Variants in KANSL1 observed in about 807,000 individuals in gnomAD.
KANSL1 encodes MLL1/MLL complex subunit KANSL1.
A neutral mutation model predicts 103.6 loss-of-function variants in KANSL1; 22 were observed. That is an observed-to-expected ratio of 0.21 (90% CI 0.15 to 0.30). The LOEUF (loss-of-function observed/expected upper bound fraction) is 0.30. KANSL1 is among the 10% of genes least tolerant of loss of function. The pLI, the probability that KANSL1 is intolerant of heterozygous loss-of-function variation, is 1.00. For missense variants in KANSL1, 1,337 were observed against 1,399.8 expected, an observed-to-expected ratio of 0.96 and a Z score of 0.72; for synonymous variants, 600 against 527.6, an observed-to-expected ratio of 1.14 and a Z score of -1.88.
chr17:46,219,604 C>T (rs1216700132), intron 1 of KANSL1, among the ~76,000 whole-genome samples: 7 of 152,228 alleles, frequency 4.6e-5, no homozygotes, highest in Non-Finnish European at 4.4e-5. Context: ...TGTGCTCCAG[C>T]GATCTGCCTG....
intron 2 of KANSL1, among the ~76,000 whole-genome samples, chr17:46,168,666 A>G (rs2046130366): frequency 6.6e-6 from 1 of 152,242 alleles, no homozygotes. Flanking sequence ...TACAATTACA[A>G]TGTGCAAAAA....
chr17:46,048,555 G>A (rs1013538378), intron 7 of KANSL1, among the ~76,000 whole-genome samples: 1 of 152,076 alleles, frequency 6.6e-6, no homozygotes, highest in African/African-American at 2.4e-5. Context: ...CAACAAAAGC[G>A]AGACTCTGTC....
At chr17:46,224,704 G>A (rs2048630853), upstream of KANSL1, 1 of 146,790 alleles carries the variant, frequency 6.8e-6, no homozygotes, top group Admixed American at 7.0e-5. Flanking sequence ...GCGGACTTCA[G>A]AGCCCCACAG....
chr17:46,081,480 T>C (rs745979501), intron 4 of KANSL1, among the ~76,000 whole-genome samples: 19 of 152,216 alleles, frequency 1.2e-4, no homozygotes, highest in Non-Finnish European at 2.4e-4. Flanking sequence ...TCAAAACTAC[T>C]TTCCAGTTAA....
chr17:46,220,996 CTT>C (rs56342423), intron 1 of KANSL1, among the ~76,000 whole-genome samples: 139 of 138,802 alleles, frequency 1.0e-3, no homozygotes, highest in East Asian at 1.3e-3. Context: ...CCCTAAAGAT[CTT>C]TTTTTTTTTT....
At chr17:46,213,272 A>G (rs2048219933) in intron 1 of KANSL1, among the ~76,000 whole-genome samples, 2 of 152,228 alleles carry the variant, frequency 1.3e-5, no homozygotes, top group African/African-American at 4.8e-5. Flanking sequence ...AAGGGGGACA[A>G]GCGTTTTATT....
chr17:46,190,016 C>T (rs543308416), intron 1 of KANSL1, among the ~76,000 whole-genome samples: 48 of 152,070 alleles, frequency 3.2e-4, no homozygotes, highest in African/African-American at 1.1e-3. Context: ...TCTCAAACAA[C>T]CACAACACCC....
chr17:46,073,353 A>C (rs1199072116), intron 4 of KANSL1, among the ~76,000 whole-genome samples: 1 of 152,194 alleles, frequency 6.6e-6, no homozygotes, highest in African/African-American at 2.4e-5. Flanking sequence ...ACTAACACAC[A>C]AATAATGTGT....
chr17:46,118,210 T>G (rs1444800729), intron 2 of KANSL1, among the ~76,000 whole-genome samples: 7 of 152,164 alleles, frequency 4.6e-5, no homozygotes, highest in Non-Finnish European at 1.0e-4. Context: ...TTTATTTGCT[T>G]GTAGTTGGGT....
At chr17:46,052,963 CCAAAAAAAAAAAAAAAAAAAAAAAAAA>C (rs1209611175) in intron 6 of KANSL1, among the ~76,000 whole-genome samples, 5 of 43,140 alleles carry the variant, frequency 1.2e-4, no homozygotes, top group African/African-American at 5.1e-4. Context: ...GATCCTGTCT[CCAAAAAAAAAAAAAAAAAAAAAAAAAA>C]AAAAAAAAAA....
intron 2 of KANSL1, among the ~76,000 whole-genome samples, chr17:46,101,929 A>G (rs1475537450): frequency 3.9e-5 from 6 of 152,194 alleles, no homozygotes; most frequent in Admixed American, 6.5e-5. Context: ...CCATATTCTG[A>G]GAGTTTCTTG....
chr17:46,144,993 T>C (rs947179741), intron 2 of KANSL1, among the ~76,000 whole-genome samples: 1 of 152,262 alleles, frequency 6.6e-6, no homozygotes, highest in Admixed American at 6.5e-5. Context: ...ACTGGGTTTC[T>C]GATTCTTAAC....
At chr17:46,136,096 T>TG (rs1255100069) in intron 2 of KANSL1, among the ~76,000 whole-genome samples, 39 of 152,312 alleles carry the variant, frequency 2.6e-4, no homozygotes, top group African/African-American at 7.9e-4. Context: ...GCTGAACAGC[T>TG]GTTAACCACT....
intron 3 of KANSL1, among the ~76,000 whole-genome samples, chr17:46,085,980 T>A (rs1450797207): frequency 6.6e-6 from 1 of 152,198 alleles, no homozygotes; most frequent in Non-Finnish European, 1.5e-5. Context: ...AATACAAATA[T>A]ATTTAAATGA....
At position 46,039,761 on chromosome 17, in the gene KANSL1, A is replaced by G; in HGVS notation, c.2144T>C (p.Leu715Pro). The change falls in exon 8 of 15, where the codon CTG (leucine) becomes CCG (proline). Residue 715 changes from leucine to proline, a missense_variant. By Grantham distance (98) the Leu-to-Pro change is moderately conservative. Around this residue, in one of 2 missense-constraint regions of KANSL1, gnomAD observed 780 missense variants for 923.4 expected, o/e 0.84. Coordinates refer to ENST00000432791, the MANE Select transcript of KANSL1 (RefSeq NM_015443.4). ...LKHRAPMPGS[L>P]PDSARKDRHK... ...CCTGTCCTTACGAGCTGAATCTGGCAGACTGCCCGGCATGGGTGCTCTGTG... is the reference window on the plus strand; with the variant it reads ...CCTGTCCTTACGAGCTGAATCTGGCGGACTGCCCGGCATGGGTGCTCTGTG... 1 of 1,614,224 alleles carries G rather than the reference A, an allele frequency of 6.2e-7. No homozygotes were observed. Among genetic ancestry groups the G allele is most frequent in the Non-Finnish European group, 8.5e-7 (1 of 1,180,034 alleles).
intron 1 of KANSL1, among the ~76,000 whole-genome samples, chr17:46,187,302 C>G (rs2047079216): frequency 6.6e-6 from 1 of 152,210 alleles, no homozygotes. Flanking sequence ...ACCTTAAGCT[C>G]TCCCCTTTTT....
At chr17:46,040,087 C>G in intron 7 of KANSL1, 1 of 469,552 alleles carries the variant, frequency 2.1e-6, no homozygotes. Flanking sequence ...TTTTTACTTT[C>G]AAGTCCCAAA....
intron 2 of KANSL1, among the ~76,000 whole-genome samples, chr17:46,159,831 T>C (rs901267299): frequency 1.3e-5 from 2 of 152,252 alleles, no homozygotes; most frequent in African/African-American, 4.8e-5. Context: ...AAACCTTTAA[T>C]AGTTCACTTC....
At chr17:46,054,855 CT>C (rs34563738) in intron 6 of KANSL1, among the ~76,000 whole-genome samples, 290 of 142,782 alleles carry the variant, frequency 2.0e-3, no homozygotes, top group East Asian at 2.6e-3. Flanking sequence ...TTCAAAGTAA[CT>C]TTTTTTTTTT....
Sources: allele counts gnomAD v4.1 joint callset (sites outside exome capture counted in the v4.1 genomes callset), GRCh38; gene constraint gnomAD v4.1.1; regional missense constraint gnomAD v4.1.1; transcripts MANE v1.5; gene names NCBI Gene and HGNC (gene_info 2026-07-23, HGNC 2026-07-21).